CALN1: variants seen among roughly 807,000 people sequenced by gnomAD.
CALN1 encodes calcium-binding protein 8.
A neutral mutation model predicts 30.6 loss-of-function variants in CALN1; 17 were observed. That is an observed-to-expected ratio of 0.56 (90% CI 0.38 to 0.83). The LOEUF is 0.83. Ranked by LOEUF, CALN1 falls within the 40% of genes least tolerant of loss-of-function variation. CALN1 has a pLI of 0.00. For synonymous variants in CALN1, 156 were observed against 131.4 expected (o/e 1.19, Z -1.28); for missense variants, 291 against 354.9 (o/e 0.82, Z 1.45).
chr7:72,223,990 G>T (rs1302285997), intron 3 of CALN1, among the ~76,000 whole-genome samples: 1 of 152,110 alleles, frequency 6.6e-6, no homozygotes, highest in East Asian at 1.9e-4. Flanking sequence ...AGACAGTGGG[G>T]ACTACTAGAG....
intron 2 of CALN1, among the ~76,000 whole-genome samples, chr7:72,376,559 G>GT (rs1358128167): frequency 6.6e-6 from 1 of 152,046 alleles, no homozygotes; most frequent in Non-Finnish European, 1.5e-5. Context: ...TAATTTAGCT[G>GT]TTTGTCTTTT....
chr7:72,325,900 T>C (rs1019346394), intron 2 of CALN1, among the ~76,000 whole-genome samples: 4 of 152,090 alleles, frequency 2.6e-5, no homozygotes, highest in African/African-American at 4.8e-5. Context: ...ATTTAACTGT[T>C]TTTTGGTGGG....
chr7:71,830,489 A>G (rs1789206855), intron 5 of CALN1, among the ~76,000 whole-genome samples: 1 of 151,950 alleles, frequency 6.6e-6, no homozygotes, highest in South Asian at 2.1e-4. Flanking sequence ...CTGGAAGTAC[A>G]GGTGCCCACC....
At chr7:71,990,133 T>C (rs903387833) in intron 5 of CALN1, among the ~76,000 whole-genome samples, 3 of 151,996 alleles carry the variant, frequency 2.0e-5, no homozygotes, top group Admixed American at 2.0e-4. Flanking sequence ...CAGGATGCCA[T>C]GAAGAAGCTG....
At chr7:72,305,971 T>G (rs1799622049) in intron 2 of CALN1, among the ~76,000 whole-genome samples, 1 of 152,148 alleles carries the variant, frequency 6.6e-6, no homozygotes, top group African/African-American at 2.4e-5. Context: ...GGACCCACCC[T>G]CAAGACATCA....
chr7:72,065,563 A>G (rs1166492427), intron 4 of CALN1, among the ~76,000 whole-genome samples: 9 of 152,166 alleles, frequency 5.9e-5, no homozygotes, highest in Non-Finnish European at 1.2e-4. Flanking sequence ...TCTCGGATTC[A>G]TTACAGTATG....
At chr7:72,246,567 G>A (rs888111084) in intron 3 of CALN1, among the ~76,000 whole-genome samples, 1 of 152,012 alleles carries the variant, frequency 6.6e-6, no homozygotes, top group Non-Finnish European at 1.5e-5. Flanking sequence ...ATTCTCTTTC[G>A]AGAGAATGTT....
intron 5 of CALN1, among the ~76,000 whole-genome samples, chr7:71,913,259 G>A (rs1007698417): frequency 6.6e-6 from 1 of 152,184 alleles, no homozygotes; most frequent in Non-Finnish European, 1.5e-5. Context: ...AATTCTAGCA[G>A]TAAGTCACTT....
At chr7:71,989,529 T>A (rs1434975793) in intron 5 of CALN1, among the ~76,000 whole-genome samples, 1 of 151,400 alleles carries the variant, frequency 6.6e-6, no homozygotes, top group African/African-American at 2.4e-5. Context: ...GCCGTGTGTC[T>A]GAGAAACGAT....
At chr7:72,400,500 C>T (rs187334556) in intron 2 of CALN1, among the ~76,000 whole-genome samples, 1 of 152,312 alleles carries the variant, frequency 6.6e-6, no homozygotes, top group Non-Finnish European at 1.5e-5. Flanking sequence ...CCTTCTCTGA[C>T]ACTAGCTCTT....
At chr7:71,892,241 T>G (rs1793284250) in intron 5 of CALN1, among the ~76,000 whole-genome samples, 1 of 152,222 alleles carries the variant, frequency 6.6e-6, no homozygotes, top group Non-Finnish European at 1.5e-5. Flanking sequence ...GTTTGATAGA[T>G]TTTTAAAAAA....
intron 2 of CALN1, among the ~76,000 whole-genome samples, chr7:72,298,635 A>G (rs868255229): frequency 1.9e-4 from 29 of 152,204 alleles, no homozygotes; most frequent in African/African-American, 6.3e-4. Context: ...GCAAATTAAT[A>G]TAATCTGTAA....
chr7:72,474,168 C>T, the CALN1 span, among the ~76,000 whole-genome samples: 7 of 152,080 alleles, frequency 4.6e-5, no homozygotes, highest in Non-Finnish European at 8.8e-5. Context: ...CATGTAACTC[C>T]GCAATGGCTA....
intron 2 of CALN1, among the ~76,000 whole-genome samples, chr7:72,356,635 T>C (rs1803248346): frequency 6.6e-6 from 1 of 151,954 alleles, no homozygotes; most frequent in African/African-American, 2.4e-5. Context: ...ATACACCTAA[T>C]AATATAGGCT....
At position 72,167,827 on chromosome 7, in the gene CALN1, T is replaced by C. The variant is rs554192858; in HGVS notation, c.245-61533A>G. Among the ~76,000 whole-genome samples, 8 of 152,318 alleles carry C rather than the reference T, an allele frequency of 5.3e-5. No individual in the cohort carries two copies. In the East Asian group the frequency reaches 1.5e-3, roughly 29 times the overall value. ...TTTGGCTGAAGTAATTTGGCTGGAT[T>C]TGTAACAATTCATGGAATATTTATG... is the stretch of plus-strand genomic sequence containing the variant. On this transcript the variant is annotated intron_variant, in intron 3 of 6. Coordinates refer to ENST00000395275, the MANE Select transcript of CALN1 (RefSeq NM_031468.4).
At chr7:72,449,714 A>C (rs192599330), upstream of CALN1, among the ~76,000 whole-genome samples, 1 of 151,764 alleles carries the variant, frequency 6.6e-6, no homozygotes, top group Admixed American at 6.6e-5. Context: ...CTACTAAAAA[A>C]ACACAAAAAA....
chr7:72,296,044 A>G (rs1344203029), intron 2 of CALN1, among the ~76,000 whole-genome samples: 1 of 152,110 alleles, frequency 6.6e-6, no homozygotes, highest in Non-Finnish European at 1.5e-5. Flanking sequence ...TCCCATCAAT[A>G]CCTAATTTAC....
intron 5 of CALN1, among the ~76,000 whole-genome samples, chr7:71,816,734 G>T (rs1021636068): frequency 6.6e-6 from 1 of 152,054 alleles, no homozygotes; most frequent in African/African-American, 2.4e-5. Context: ...CAGATCACGA[G>T]GTCAGGAGTT....
intron 6 of CALN1, among the ~76,000 whole-genome samples, chr7:71,788,804 C>T (rs909390070): frequency 2.0e-5 from 3 of 152,096 alleles, no homozygotes; most frequent in Non-Finnish European, 2.9e-5. Flanking sequence ...ACTATAGGCG[C>T]CCGCCACCAT....
Sources: allele counts gnomAD v4.1 joint callset (sites outside exome capture counted in the v4.1 genomes callset), GRCh38; gene constraint gnomAD v4.1.1; transcripts MANE v1.5; gene names NCBI Gene and HGNC (gene_info 2026-07-23, HGNC 2026-07-21).